GPHN: variants seen among roughly 807,000 people sequenced by gnomAD.
GPHN encodes gephyrin.
A neutral mutation model predicts 95.5 loss-of-function variants in GPHN; 17 were observed. The observed-to-expected ratio is 0.18, with a 90% CI of 0.12 to 0.27. The LOEUF (loss-of-function observed/expected upper bound fraction) is 0.27, where lower values mean the gene tolerates loss of function less well. Ranked by LOEUF, GPHN falls within the 10% of genes least tolerant of loss-of-function variation. The probability of loss-of-function intolerance (pLI) is 1.00; values close to 1 mark genes in which losing one functional copy is unlikely to be tolerated. For synonymous variants in GPHN, 320 were observed against 322.5 expected (o/e 0.99, Z 0.08); for missense variants, 660 against 978.1 (o/e 0.67, Z 4.34).
the GPHN span, among the ~76,000 whole-genome samples, chr14:67,286,581 C>T: frequency 3.7e-4 from 56 of 152,078 alleles, no homozygotes; most frequent in Non-Finnish European, 6.6e-4. Context: ...CTTAGCCGGG[C>T]GTGGTGGCTC....
the GPHN span, among the ~76,000 whole-genome samples, chr14:67,309,124 T>C: frequency 6.6e-6 from 1 of 152,192 alleles, no homozygotes; most frequent in Non-Finnish European, 1.5e-5. Flanking sequence ...TTTGATCAGA[T>C]ATACTGTTCT....
chr14:66,687,863 G>T (rs1380401940), intron 2 of GPHN, among the ~76,000 whole-genome samples: 1 of 152,032 alleles, frequency 6.6e-6, no homozygotes. Context: ...TCTTTCATCA[G>T]TTTTTTAGCT....
At chr14:66,979,056 T>C (rs2070467473) in intron 9 of GPHN, among the ~76,000 whole-genome samples, 1 of 152,228 alleles carries the variant, frequency 6.6e-6, no homozygotes, top group Non-Finnish European at 1.5e-5. Context: ...TAAACCATGC[T>C]GCAAAAAGAT....
intron 5 of GPHN, among the ~76,000 whole-genome samples, chr14:66,909,363 T>C (rs1488440528): frequency 6.6e-6 from 1 of 151,946 alleles, no homozygotes; most frequent in South Asian, 2.1e-4. Context: ...TAGAAAATGA[T>C]AGTAGAAAAA....
chr14:66,587,714 A>G (rs973344898), intron 1 of GPHN, among the ~76,000 whole-genome samples: 2 of 152,236 alleles, frequency 1.3e-5, no homozygotes. Context: ...TGACATTACT[A>G]TAAAGAACTG....
At chr14:67,013,525 G>A (rs1363564251) in intron 9 of GPHN, among the ~76,000 whole-genome samples, 4 of 151,860 alleles carry the variant, frequency 2.6e-5, no homozygotes, top group Non-Finnish European at 4.4e-5. Flanking sequence ...CATAATGTAC[G>A]CCATACATAG....
chr14:67,212,654 T>A, the GPHN span, among the ~76,000 whole-genome samples: 2 of 146,590 alleles, frequency 1.4e-5, no homozygotes, highest in Non-Finnish European at 1.5e-5. Flanking sequence ...CATATATATA[T>A]AATATATATT....
At chr14:67,387,877 T>C in the GPHN span, among the ~76,000 whole-genome samples, 1 of 152,238 alleles carries the variant, frequency 6.6e-6, no homozygotes, top group Non-Finnish European at 1.5e-5. Context: ...CTTCTTACTA[T>C]GGCTGGCTAT....
chr14:67,486,375 A>C, the GPHN span, among the ~76,000 whole-genome samples: 5 of 152,238 alleles, frequency 3.3e-5, no homozygotes, highest in African/African-American at 2.4e-5. Context: ...CCCAGGTTCA[A>C]GCGATTCTCC....
At chr14:67,466,943 C>T in the GPHN span, among the ~76,000 whole-genome samples, 1,889 of 145,522 alleles carry the variant, frequency 0.013, 21 homozygotes, top group Non-Finnish European at 0.02. Context: ...TGCAGTGAGC[C>T]GAGATCGCGC....
the GPHN span, chr14:67,728,315 T>C: frequency 6.6e-6 from 1 of 152,260 alleles, no homozygotes; most frequent in East Asian, 1.9e-4. Flanking sequence ...ACATCTTAAC[T>C]CATTTAATAC....
At chr14:66,692,071 A>G (rs1308829306) in intron 2 of GPHN, among the ~76,000 whole-genome samples, 2 of 152,162 alleles carry the variant, frequency 1.3e-5, no homozygotes, top group Non-Finnish European at 2.9e-5. Flanking sequence ...GAAAGTCCTT[A>G]GTTTTCCTTT....
At position 66,690,007 on chromosome 14, in the gene GPHN, T is replaced by C. The variant is rs921914352; in HGVS notation, c.143+8822T>C. Among the ~76,000 whole-genome samples the C allele has an allele frequency of 3.9e-5, 6 of 151,968 alleles. No individual in the cohort carries two copies. The East Asian group carries it at 1.2e-3, about 29-fold the overall frequency. On this transcript the variant is annotated intron_variant, in intron 2 of 22. Coordinates refer to ENST00000478722, the MANE Select transcript of GPHN (RefSeq NM_020806.5). ...TTGATCTTTTCATAAAACCAACTTT[T>C]TGACTTTTTTTATATGTTGTATTTT...
At chr14:66,682,824 C>T (rs1482128408) in intron 2 of GPHN, among the ~76,000 whole-genome samples, 1 of 152,028 alleles carries the variant, frequency 6.6e-6, no homozygotes. Flanking sequence ...TTTAATGCAG[C>T]AATATGATGA....
chr14:67,701,232 G>A, the GPHN span, among the ~76,000 whole-genome samples: 1 of 151,714 alleles, frequency 6.6e-6, no homozygotes, highest in African/African-American at 2.4e-5. Context: ...TTTTAGAAAA[G>A]AAATAGATTG....
chr14:67,570,075 A>G, the GPHN span: 1 of 1,141,584 alleles, frequency 8.8e-7, no homozygotes, highest in Non-Finnish European at 1.3e-6. Context: ...CTCATCATCC[A>G]ATGACTGGGG....
intron 8 of GPHN, among the ~76,000 whole-genome samples, chr14:66,944,412 C>G (rs1369249863): frequency 1.1e-4 from 16 of 152,210 alleles, no homozygotes; most frequent in Admixed American, 9.8e-4. Flanking sequence ...GGACATAAAA[C>G]AAGATGGAGG....
the GPHN span, among the ~76,000 whole-genome samples, chr14:67,680,385 G>T: frequency 6.6e-6 from 1 of 152,162 alleles, no homozygotes; most frequent in South Asian, 2.1e-4. Context: ...TCTTCATAAG[G>T]TTACAGTTAA....
chr14:67,419,350 G>A, the GPHN span, among the ~76,000 whole-genome samples: 1 of 152,186 alleles, frequency 6.6e-6, no homozygotes, highest in African/African-American at 2.4e-5. Context: ...CAGGCCTCAG[G>A]GGCTCCCACC....
Sources: allele counts gnomAD v4.1 joint callset (sites outside exome capture counted in the v4.1 genomes callset), GRCh38; gene constraint gnomAD v4.1.1; transcripts MANE v1.5; gene names NCBI Gene and HGNC (gene_info 2026-07-23, HGNC 2026-07-21).